The following CDKAL1 variants were observed in gnomAD, a reference collection of about 807,000 sequenced individuals.
CDKAL1 encodes threonylcarbamoyladenosine tRNA methylthiotransferase.
A neutral mutation model predicts 68.2 loss-of-function variants in CDKAL1; 32 were observed. The ratio of observed to expected loss-of-function variants is 0.47; its 90% CI spans 0.35 to 0.63. The LOEUF is 0.63. Among genes scored for constraint, CDKAL1 ranks in the 30% least tolerant of loss-of-function variants. CDKAL1 has a pLI of 0.00. For missense variants in CDKAL1, 606 were observed against 696.7 expected (o/e 0.87, Z 1.47); for synonymous variants, 234 against 244.3 (o/e 0.96, Z 0.39).
chr6:20,883,299 T>C (rs901825800), intron 9 of CDKAL1, among the ~76,000 whole-genome samples: 2 of 152,348 alleles, frequency 1.3e-5, no homozygotes, highest in East Asian at 3.9e-4. Context: ...TTCCCAGTTG[T>C]TGCATTTTAG....
intron 9 of CDKAL1, among the ~76,000 whole-genome samples, chr6:20,906,650 T>C (rs1427311187): frequency 6.6e-6 from 1 of 152,144 alleles, no homozygotes; most frequent in East Asian, 1.9e-4. Context: ...TTAAAAATTA[T>C]AAGTTGGACA....
At position 21,191,992 on chromosome 6, in the gene CDKAL1, C is replaced by CTTTTTTTTTTTTTTTT. The variant is rs145894251; in HGVS notation, c.1300-6004_1300-5989dup. 2.9e-4 allele frequency among the ~76,000 whole-genome samples: 10 copies of CTTTTTTTTTTTTTTTT among 34,530 alleles called. 5 individuals carry two copies. Among genetic ancestry groups the CTTTTTTTTTTTTTTTT allele is most frequent in the Non-Finnish European group, 5.5e-4 (10 of 18,288 alleles). 22.7% of individuals were successfully genotyped at this position (34,530 alleles called of 152,430 possible). On this transcript the variant is annotated intron_variant, in intron 13 of 15. Coordinates refer to ENST00000274695, the MANE Select transcript of CDKAL1 (RefSeq NM_017774.3). ...AGGAATATTTTTATAATTCATTTTT[C>CTTTTTTTTTTTTTTTT]TTTTTTTTTTTTTTTTTTTTTTTTT... is the stretch of plus-strand genomic sequence containing the variant.
rs183704157 is a variant in CDKAL1, at chr6:21,107,712, A to G, written c.1237-689A>G. The stretch of plus-strand genomic sequence containing the variant: ...CTCCCAAAATGCTGGGATTACAAGC[A>G]TGAGCCACCATGCTCGGCCAAAAGA... On this transcript the variant is annotated intron_variant, in intron 12 of 15. Coordinates refer to ENST00000274695, the MANE Select transcript of CDKAL1 (RefSeq NM_017774.3). Among the ~76,000 whole-genome samples the G allele has an allele frequency of 1.7e-4, 26 of 152,276 alleles. 1 individual carries two copies. Among genetic ancestry groups the G allele is most frequent in the African/African-American group, 5.5e-4 (23 of 41,556 alleles).
intron 13 of CDKAL1, among the ~76,000 whole-genome samples, chr6:21,120,326 A>G (rs1307956275): frequency 6.6e-6 from 1 of 152,208 alleles, no homozygotes; most frequent in African/African-American, 2.4e-5. Context: ...CTTACCCATC[A>G]TCCCACAGCA....
chr6:20,773,918 C>G (rs1173584535), intron 7 of CDKAL1, among the ~76,000 whole-genome samples: 1 of 152,060 alleles, frequency 6.6e-6, no homozygotes, highest in Non-Finnish European at 1.5e-5. Context: ...CCCTCTGCCC[C>G]CATCATCGTG....
chr6:21,076,800 A>G (rs985870573), intron 12 of CDKAL1, among the ~76,000 whole-genome samples: 3 of 152,138 alleles, frequency 2.0e-5, no homozygotes, highest in African/African-American at 7.2e-5. Context: ...ACTTAATTGT[A>G]CTTGATCCCT....
intron 2 of CDKAL1, among the ~76,000 whole-genome samples, chr6:20,537,014 A>T (rs1763200344): frequency 6.6e-6 from 1 of 152,066 alleles, no homozygotes; most frequent in African/African-American, 2.4e-5. Context: ...CTTGGGGCTT[A>T]GTTGGGAATT....
At chr6:20,583,485 G>A (rs1336714895) in intron 4 of CDKAL1, among the ~76,000 whole-genome samples, 3 of 152,134 alleles carry the variant, frequency 2.0e-5, no homozygotes, top group Non-Finnish European at 4.4e-5. Context: ...CTTAATATTT[G>A]AATCAGACTG....
chr6:20,619,851 G>A (rs1293518518), intron 4 of CDKAL1, among the ~76,000 whole-genome samples: 5 of 152,030 alleles, frequency 3.3e-5, no homozygotes, highest in Admixed American at 2.6e-4. Flanking sequence ...TCTGTGTTTC[G>A]CTTTTCTATA....
At position 21,003,940 on chromosome 6, in the gene CDKAL1, T is replaced by G. The variant is rs1280587859; in HGVS notation, c.1055+3568T>G. Among the ~76,000 whole-genome samples the G allele has an allele frequency of 3.3e-5, 5 of 152,218 alleles. No individual in the cohort carries two copies. In the East Asian group the frequency reaches 9.6e-4, roughly 29 times the overall value. ...CTTTCTAAATGGCGGCCCATTTCAT[T>G]TACATCTCTCATTTCCCCTGAAGTC... On this transcript the variant is annotated intron_variant, in intron 11 of 15. Coordinates refer to ENST00000274695, the MANE Select transcript of CDKAL1 (RefSeq NM_017774.3).
At chr6:21,163,777 C>T (rs142669972) in intron 13 of CDKAL1, among the ~76,000 whole-genome samples, 1 of 152,134 alleles carries the variant, frequency 6.6e-6, no homozygotes, top group African/African-American at 2.4e-5. Flanking sequence ...ACATGGCAAA[C>T]CCCATCTCTA....
chr6:20,604,314 C>G (rs1476460001), intron 4 of CDKAL1, among the ~76,000 whole-genome samples: 3 of 152,130 alleles, frequency 2.0e-5, no homozygotes, highest in Non-Finnish European at 4.4e-5. Context: ...TTGCTGAGTG[C>G]CTAATCAGCC....
intron 7 of CDKAL1, among the ~76,000 whole-genome samples, chr6:20,778,297 G>GA (rs1466552599): frequency 6.6e-6 from 1 of 152,092 alleles, no homozygotes; most frequent in Non-Finnish European, 1.5e-5. Context: ...TCATTAAATT[G>GA]AAAAAACATT....
At chr6:21,076,996 G>A (rs1453302442) in intron 12 of CDKAL1, among the ~76,000 whole-genome samples, 1 of 152,138 alleles carries the variant, frequency 6.6e-6, no homozygotes, top group Non-Finnish European at 1.5e-5. Flanking sequence ...TAGAAAGATA[G>A]TTGAGAGCCT....
At chr6:21,087,784 A>C (rs559935859) in intron 12 of CDKAL1, among the ~76,000 whole-genome samples, 1 of 151,758 alleles carries the variant, frequency 6.6e-6, no homozygotes, top group South Asian at 2.1e-4. Context: ...ATATACAGAT[A>C]TGCATGCATG....
At chr6:20,792,604 A>T (rs549839782) in intron 8 of CDKAL1, among the ~76,000 whole-genome samples, 1 of 152,260 alleles carries the variant, frequency 6.6e-6, no homozygotes, top group South Asian at 2.1e-4. Context: ...ATATAAGTTT[A>T]TGAGAACAAG....
At position 20,877,947 on chromosome 6, in the gene CDKAL1, A is replaced by AT. The variant is rs1581748378; in HGVS notation, c.742+31770dup. Among the ~76,000 whole-genome samples the AT allele has an allele frequency of 2.0e-5, 3 of 152,178 alleles. No individual in the cohort carries two copies. In the East Asian group the frequency reaches 5.8e-4, roughly 29 times the overall value. ...AATGCACTTACTTATACTTTTCCGT[A>AT]TGTGTCTCAAGCTTTCCTACAAAGA... On this transcript the variant is annotated intron_variant, in intron 9 of 15. Transcript: ENST00000274695.
At chr6:20,926,153 T>G (rs1283384770) in intron 9 of CDKAL1, among the ~76,000 whole-genome samples, 1 of 152,058 alleles carries the variant, frequency 6.6e-6, no homozygotes, top group Non-Finnish European at 1.5e-5. Flanking sequence ...ATCAAGAGAA[T>G]AAAAGAATCT....
chr6:20,580,836 C>T (rs143828476), intron 4 of CDKAL1, among the ~76,000 whole-genome samples: 1 of 151,736 alleles, frequency 6.6e-6, no homozygotes, highest in South Asian at 2.1e-4. Context: ...GTTGCCCAGG[C>T]TGAAGTGCAA....
Sources: gnomAD v4.1 joint callset for allele counts (sites outside exome capture counted in the v4.1 genomes callset) on GRCh38, gnomAD v4.1.1 for gene constraint, MANE v1.5 for transcripts, NCBI Gene and HGNC (gene_info 2026-07-23, HGNC 2026-07-21) for gene names.